Variants in KBTBD12 observed in about 807,000 individuals in gnomAD.
KBTBD12 encodes kelch repeat and BTB domain containing 12.
Under a neutral mutation model 58.7 loss-of-function variants are expected in KBTBD12, and 53 were observed. The observed-to-expected ratio is 0.90, with a 90% CI of 0.72 to 1.14. KBTBD12 has a LOEUF of 1.14. KBTBD12 is among the 50% of genes most tolerant of loss of function. The pLI is 0.00. For synonymous variants in KBTBD12, 236 were observed against 259.8 expected (o/e 0.91, Z 0.88); for missense variants, 704 against 751.3 (o/e 0.94, Z 0.74).
chr3:127,963,335 G>T lies in KBTBD12; in HGVS notation c.1639G>T (p.Ala547Ser), dbSNP rs1940488619. ...LLSLRTNSTNAGAVDGKLYVC... is the reference protein window; with the variant it reads ...LLSLRTNSTNSGAVDGKLYVC... ...CTCACTCCGCACCAATTCCACCAAT[G>T]CAGGGGCAGTGGATGGGAAACTCTA... The change falls in exon 5 of 6, where the codon GCA becomes TCA. Residue 547 changes from alanine (A) to serine (S), a missense_variant. By Grantham distance (99) the Ala-to-Ser change is moderately conservative (BLOSUM62 1). Coordinates refer to ENST00000405109, the MANE Select transcript of KBTBD12 (RefSeq NM_207335.4). 6.2e-7 allele frequency: 1 copy of T among 1,612,234 alleles called. No individual in the cohort carries two copies. Among genetic ancestry groups the T allele is most frequent in the Non-Finnish European group, 8.5e-7 (1 of 1,179,266 alleles).
At position 127,986,976 on chromosome 3, in the gene KBTBD12, G is replaced by A. The variant is rs1280637954; in HGVS notation, c.*2698G>A. 6.6e-6 allele frequency: 1 copy of A among 152,404 alleles called. No homozygotes were observed. Among genetic ancestry groups the A allele is most frequent in the East Asian group, 1.9e-4 (1 of 5,206 alleles). 9.4% of individuals were successfully genotyped at this position (152,404 alleles called of 1,614,324 possible). A position where few individuals can be genotyped will look rare whatever the true frequency, so the allele number is the denominator to read the frequency against. ...ACCATCGCCCGCCTGTGGGAGGCAA[G>A]ATAAGTGGGTAAACATCATTCCTGT... On this transcript the variant is annotated 3_prime_UTR_variant, in exon 6 of 6. Transcript: ENST00000405109.
At chr3:127,935,446 A>T (rs1194974392) in intron 4 of KBTBD12, among the ~76,000 whole-genome samples, 2 of 152,114 alleles carry the variant, frequency 1.3e-5, no homozygotes, top group Admixed American at 1.3e-4. Flanking sequence ...AACCACTGAG[A>T]TTTTAAAAAA....
intron 5 of KBTBD12, 119 bp from the exon 6 acceptor site, chr3:127,983,977 CA>C: frequency 1.3e-6 from 1 of 742,746 alleles, no homozygotes; most frequent in East Asian, 2.5e-5. Flanking sequence ...ATTCTGTTAA[CA>C]GTAACAGCAA....
chr3:127,945,382 C>CA (rs1213778863), intron 4 of KBTBD12, among the ~76,000 whole-genome samples: 1 of 151,022 alleles, frequency 6.6e-6, no homozygotes, highest in Non-Finnish European at 1.5e-5. Flanking sequence ...GACAGGGTTT[C>CA]ACCCTGTTAG....
rs901966136 is a variant in KBTBD12, at chr3:127,963,268, G to A, written c.1572G>A (p.Gly524=). The A allele has an allele frequency of 2.5e-6, 4 of 1,612,480 alleles. 1 individual carries two copies. The change falls in exon 5 of 6, where the codon GGG becomes GGA. Residue 524 remains glycine (G), a synonymous_variant. Transcript: ENST00000405109. Reference sequence around the variant, plus strand: ...TGGTGGAGATCTACAACCCAGATGGGGACTTTTGGCGAGAGGGCCCTCCCA... The same window carrying A: ...TGGTGGAGATCTACAACCCAGATGGAGACTTTTGGCGAGAGGGCCCTCCCA... ...LDVVEIYNPD[G]DFWREGPPMP...
At chr3:127,929,572 C>T (rs1939654363) in intron 3 of KBTBD12, among the ~76,000 whole-genome samples, 2 of 151,992 alleles carry the variant, frequency 1.3e-5, no homozygotes, top group South Asian at 2.1e-4. Flanking sequence ...AAAATAACTG[C>T]AAATAATTTA....
intron 5 of KBTBD12, among the ~76,000 whole-genome samples, chr3:127,973,046 A>G (rs1940712003): frequency 6.6e-6 from 1 of 152,214 alleles, no homozygotes; most frequent in Non-Finnish European, 1.5e-5. Context: ...GTACTTTTAC[A>G]ATGGAGAAAT....
rs188324741 is a variant in KBTBD12, at chr3:127,972,270, T to C, written c.1690+8884T>C. On this transcript the variant is annotated intron_variant, in intron 5 of 5. Coordinates refer to ENST00000405109, the MANE Select transcript of KBTBD12 (RefSeq NM_207335.4). Reference sequence around the variant, plus strand: ...GTTGAATTTGGGATTCAAAGTTAGATAGTCTGGCCCCAAAGTCTATATTTT... The same window carrying C: ...GTTGAATTTGGGATTCAAAGTTAGACAGTCTGGCCCCAAAGTCTATATTTT... Among the ~76,000 whole-genome samples, 430 of 152,346 alleles carry C rather than the reference T, an allele frequency of 2.8e-3. 2 individuals carry two copies. The highest frequency in any genetic ancestry group is 5.1e-3 in the Non-Finnish European group (344 of 68,030).
intron 5 of KBTBD12, among the ~76,000 whole-genome samples, 178 bp from the exon 6 acceptor site, chr3:127,983,919 C>T (rs1288833892): frequency 2.6e-5 from 4 of 152,158 alleles, no homozygotes; most frequent in South Asian, 2.1e-4. Flanking sequence ...CCACCAGAAT[C>T]GTGAGCCAAG....
At chr3:127,926,884 T>C (rs1328032267) in intron 2 of KBTBD12, among the ~76,000 whole-genome samples, 1 of 152,150 alleles carries the variant, frequency 6.6e-6, no homozygotes, top group African/African-American at 2.4e-5. Context: ...TCACATATTT[T>C]ACCCCTCTGA....
chr3:127,954,775 C>T (rs894627176), intron 4 of KBTBD12, among the ~76,000 whole-genome samples: 2 of 152,212 alleles, frequency 1.3e-5, no homozygotes, highest in Non-Finnish European at 2.9e-5. Flanking sequence ...CAAAGCCTAG[C>T]GCCAGCCACA....
chr3:127,946,282 A>G (rs975080456), intron 4 of KBTBD12, among the ~76,000 whole-genome samples: 4 of 152,108 alleles, frequency 2.6e-5, no homozygotes, highest in Non-Finnish European at 4.4e-5. Context: ...TTTACCTTTA[A>G]GTTTTTTTCT....
intron 5 of KBTBD12, among the ~76,000 whole-genome samples, chr3:127,963,951 C>A (rs1940507650): frequency 6.6e-6 from 1 of 152,186 alleles, no homozygotes; most frequent in Non-Finnish European, 1.5e-5. Context: ...GGCTTGAAAG[C>A]ATTTCTAAAA....
rs536691020 is a variant in KBTBD12, at chr3:127,982,879, G to GC, written c.1691-1217dup. 1.7e-3 allele frequency among the ~76,000 whole-genome samples: 262 copies of GC among 152,328 alleles called. 1 individual carries two copies. Among genetic ancestry groups the GC allele is most frequent in the African/African-American group, 5.9e-3 (245 of 41,586 alleles). On this transcript the variant is annotated intron_variant, in intron 5 of 5. Transcript: ENST00000405109. ...TGGGCCTTCCTAAGCCCCGCTCACA[G>GC]CGTTCTAAAGGTCCCTTGACTGAAC...
intron 1 of KBTBD12, among the ~76,000 whole-genome samples, chr3:127,915,824 G>A (rs527357145): frequency 6.6e-6 from 1 of 152,324 alleles, no homozygotes; most frequent in Admixed American, 6.5e-5. Flanking sequence ...GTTCAGGCTC[G>A]TAGTCTGCAT....
rs1160696941 is a variant in KBTBD12, at chr3:127,923,647, G to A, written c.586G>A (p.Asp196Asn). Residue 196 changes from aspartate (D) to asparagine (N), a missense_variant, in exon 2 of 6, where the codon GAC (aspartate) becomes AAC (asparagine). Transcript: ENST00000405109. ...CATATCCAGAGAAGAGAGCATTCTG[G>A]ACTTAGTTCTGAGATGGGTAAATCA... is the stretch of plus-strand genomic sequence containing the variant. ...LNISREESILDLVLRWVNHNK... is the reference protein window; with the variant it reads ...LNISREESILNLVLRWVNHNK... 6.2e-7 allele frequency: 1 copy of A among 1,613,578 alleles called. No homozygotes were observed. The highest frequency in any genetic ancestry group is 8.5e-7 in the Non-Finnish European group (1 of 1,179,778).
At chr3:127,917,646 A>C (rs553752380) in intron 1 of KBTBD12, among the ~76,000 whole-genome samples, 1 of 152,328 alleles carries the variant, frequency 6.6e-6, no homozygotes, top group East Asian at 1.9e-4. Context: ...CAGTCAACTC[A>C]TTAGTGTACA....
intron 5 of KBTBD12, among the ~76,000 whole-genome samples, chr3:127,971,668 G>T (rs1156402590): frequency 6.6e-6 from 1 of 152,202 alleles, no homozygotes; most frequent in Non-Finnish European, 1.5e-5. Flanking sequence ...TGAGGGAGCA[G>T]GGAGGCCTCC....
At chr3:127,928,485 G>A (rs563224559) in intron 3 of KBTBD12, among the ~76,000 whole-genome samples, 19 of 152,330 alleles carry the variant, frequency 1.2e-4, no homozygotes, top group African/African-American at 4.3e-4. Flanking sequence ...TGGCACAATC[G>A]TTTCTATGCA....
Sources: allele counts gnomAD v4.1 joint callset (sites outside exome capture counted in the v4.1 genomes callset), GRCh38; gene constraint gnomAD v4.1.1; transcripts MANE v1.5; gene names NCBI Gene and HGNC (gene_info 2026-07-23, HGNC 2026-07-21).